Variants in TTLL5 observed in about 807,000 individuals in gnomAD.
TTLL5 encodes tubulin polyglutamylase TTLL5.
A neutral mutation model predicts 168.4 loss-of-function variants in TTLL5; 132 were observed. The ratio of observed to expected loss-of-function variants is 0.78; its 90% CI spans 0.68 to 0.91. The LOEUF is 0.91. Among genes scored for constraint, TTLL5 ranks in the 40% least tolerant of loss-of-function variants. The pLI is 0.00. For missense variants in TTLL5, 1,545 were observed against 1,581.5 expected (o/e 0.98, Z 0.39); for synonymous variants, 546 against 558.6 (o/e 0.98, Z 0.32).
At chr14:75,758,562 T>C (rs564470413) in intron 18 of TTLL5, among the ~76,000 whole-genome samples, 11 of 152,340 alleles carry the variant, frequency 7.2e-5, no homozygotes, top group African/African-American at 2.6e-4. Flanking sequence ...GTTCATTTTT[T>C]GGCACTCATT....
chr14:75,853,514 A>G (rs767985702), intron 28 of TTLL5, among the ~76,000 whole-genome samples: 2 of 152,232 alleles, frequency 1.3e-5, no homozygotes, highest in East Asian at 1.9e-4. Context: ...ACAGTGTCCA[A>G]TAAATGTGGA....
At chr14:75,925,760 C>T (rs939839760) in intron 31 of TTLL5, among the ~76,000 whole-genome samples, 2 of 152,022 alleles carry the variant, frequency 1.3e-5, no homozygotes, top group African/African-American at 4.8e-5. Flanking sequence ...GCCTGGGCAC[C>T]ATTGAGCACT....
At chr14:75,774,542 T>G (rs1891602674) in intron 21 of TTLL5, among the ~76,000 whole-genome samples, 1 of 152,232 alleles carries the variant, frequency 6.6e-6, no homozygotes, top group Admixed American at 6.5e-5. Flanking sequence ...CTCTCTTTAT[T>G]GAAACTGTTT....
chr14:75,725,657 G>A (rs1888146461), intron 12 of TTLL5, among the ~76,000 whole-genome samples: 1 of 151,968 alleles, frequency 6.6e-6, no homozygotes, highest in Non-Finnish European at 1.5e-5. Context: ...TTATGAGTCC[G>A]GCCACTTTTG....
intron 28 of TTLL5, among the ~76,000 whole-genome samples, chr14:75,834,884 A>G (rs935002124): frequency 9.2e-5 from 14 of 152,010 alleles, no homozygotes; most frequent in Non-Finnish European, 2.1e-4. Flanking sequence ...TGGGCAGTAT[A>G]GTGAGACCCT....
chr14:75,853,661 G>A (rs568300667), intron 28 of TTLL5, among the ~76,000 whole-genome samples: 56 of 152,304 alleles, frequency 3.7e-4, no homozygotes, highest in Admixed American at 1.4e-3. Flanking sequence ...AATAACAAGA[G>A]TTTTAATGAA....
At chr14:75,684,630 C>G (rs1884894259) in intron 5 of TTLL5, 1 of 152,108 alleles carries the variant, frequency 6.6e-6, no homozygotes, top group South Asian at 2.1e-4. Context: ...CAATGATAAT[C>G]AGTCATGTAT....
chr14:75,851,744 C>CT (rs1566630920), intron 28 of TTLL5, among the ~76,000 whole-genome samples: 1 of 152,024 alleles, frequency 6.6e-6, no homozygotes, highest in African/African-American at 2.4e-5. Flanking sequence ...ATTCTGGCGT[C>CT]TTTTTTTTGG....
chr14:75,894,972 A>G (rs1198493270), intron 30 of TTLL5, among the ~76,000 whole-genome samples: 1 of 152,218 alleles, frequency 6.6e-6, no homozygotes, highest in Non-Finnish European at 1.5e-5. Flanking sequence ...ATTAGTGGGT[A>G]ATTTATTTGA....
chr14:75,677,390 C>CTTTTTT (rs11349214), intron 3 of TTLL5, among the ~76,000 whole-genome samples: 7 of 78,340 alleles, frequency 8.9e-5, no homozygotes, highest in African/African-American at 2.2e-4. Flanking sequence ...CTCTCTCTCT[C>CTTTTTT]TTTTTTTTTT....
chr14:75,822,843 C>T (rs980802575), intron 28 of TTLL5, among the ~76,000 whole-genome samples: 2 of 152,098 alleles, frequency 1.3e-5, no homozygotes, highest in South Asian at 4.2e-4. Flanking sequence ...TGTCTGGAGT[C>T]CTATTCAGGC....
intron 17 of TTLL5, among the ~76,000 whole-genome samples, chr14:75,747,357 T>C (rs150277992): frequency 6.6e-6 from 1 of 152,276 alleles, no homozygotes; most frequent in East Asian, 1.9e-4. Flanking sequence ...TGTTTTAAAA[T>C]ACCTTTTTCT....
intron 23 of TTLL5, among the ~76,000 whole-genome samples, chr14:75,778,523 T>C (rs913184538): frequency 6.6e-6 from 1 of 152,202 alleles, no homozygotes; most frequent in Admixed American, 6.5e-5. Context: ...GAGAGACTTA[T>C]CTTGTGGCAT....
At chr14:75,666,190 G>A (rs980079675) in intron 2 of TTLL5, among the ~76,000 whole-genome samples, 3 of 152,212 alleles carry the variant, frequency 2.0e-5, no homozygotes, top group Non-Finnish European at 2.9e-5. Flanking sequence ...TGATTTAGAA[G>A]TTTGAAGGCC....
intron 20 of TTLL5, among the ~76,000 whole-genome samples, chr14:75,767,195 A>C: frequency 6.6e-6 from 1 of 151,140 alleles, no homozygotes; most frequent in Non-Finnish European, 1.5e-5. Flanking sequence ...TAGAGGTGTG[A>C]TAATACAGTC....
At chr14:75,805,796 T>G (rs549823034) in intron 27 of TTLL5, among the ~76,000 whole-genome samples, 29 of 148,808 alleles carry the variant, frequency 1.9e-4, no homozygotes, top group African/African-American at 7.0e-4. Flanking sequence ...CCAGGGAATT[T>G]AGGAATGGAG....
At position 75,945,248 on chromosome 14, in the gene TTLL5, ATATT is replaced by A. The variant is rs1000483254; in HGVS notation, c.3824-9175_3824-9172del. Among the ~76,000 whole-genome samples, 3 of 147,622 alleles carry A rather than the reference ATATT, an allele frequency of 2.0e-5. No homozygotes were observed. The Admixed American group carries it at 2.0e-4, about 10-fold the overall frequency. ...TTATAATATGTATTTTTTATAATAT[ATATT>A]ATATATAAAAAAAAATTTTTTTTGA... On this transcript the variant is annotated intron_variant, in intron 31 of 31. Coordinates refer to ENST00000298832, the MANE Select transcript of TTLL5 (RefSeq NM_015072.5).
At chr14:75,746,247 C>CATTATT (rs569844412) in intron 17 of TTLL5, among the ~76,000 whole-genome samples, 1,877 of 152,072 alleles carry the variant, frequency 0.012, 16 homozygotes, top group South Asian at 0.025. Flanking sequence ...AAGAATAGTT[C>CATTATT]ATTATTATTA....
intron 27 of TTLL5, among the ~76,000 whole-genome samples, chr14:75,813,327 C>G (rs550172214): frequency 1.0e-4 from 15 of 142,876 alleles, no homozygotes; most frequent in African/African-American, 3.9e-4. Flanking sequence ...TTTGAGACAG[C>G]GTCTTGCTCT....
Sources: gnomAD v4.1 joint callset for allele counts (sites outside exome capture counted in the v4.1 genomes callset) on GRCh38, gnomAD v4.1.1 for gene constraint, MANE v1.5 for transcripts, NCBI Gene and HGNC (gene_info 2026-07-23, HGNC 2026-07-21) for gene names.